Variants in CCDC7 observed in about 807,000 individuals in gnomAD.
CCDC7 encodes the protein coiled-coil domain containing 7.
Under a neutral mutation model 196.9 loss-of-function variants are expected in CCDC7, and 183 were observed. That is an observed-to-expected ratio of 0.93 (90% CI 0.82 to 1.05). The LOEUF is 1.05. Among genes scored for constraint, CCDC7 ranks in the 50% least tolerant of loss-of-function variants. CCDC7 has a pLI of 0.00. For synonymous variants in CCDC7, 525 were observed against 484.6 expected, an observed-to-expected ratio of 1.08 and a Z score of -1.10; for missense variants, 1,540 against 1,482.2, an observed-to-expected ratio of 1.04 and a Z score of -0.64.
chr10:32,476,940 A>G (rs1362712572), intron 8 of CCDC7, among the ~76,000 whole-genome samples: 1 of 152,102 alleles, frequency 6.6e-6, no homozygotes, highest in South Asian at 2.1e-4. Context: ...AGTTCTTTTT[A>G]TATTTTGGAT....
chr10:32,772,010 T>C (rs1008930657), intron 28 of CCDC7, among the ~76,000 whole-genome samples: 1 of 152,316 alleles, frequency 6.6e-6, no homozygotes, highest in African/African-American at 2.4e-5. Context: ...TCTGATTTCA[T>C]AGGCAATGGG....
At chr10:32,552,916 G>A (rs1257392540) in intron 13 of CCDC7, among the ~76,000 whole-genome samples, 1 of 152,072 alleles carries the variant, frequency 6.6e-6, no homozygotes, top group African/African-American at 2.4e-5. Flanking sequence ...ATCTTTTTGT[G>A]ATGAATTTCC....
intron 18 of CCDC7, among the ~76,000 whole-genome samples, chr10:32,600,980 T>G (rs2060935942): frequency 6.6e-6 from 1 of 152,182 alleles, no homozygotes; most frequent in Admixed American, 6.5e-5. Flanking sequence ...CTTTGCCAGG[T>G]ATAGAATTCT....
chr10:32,508,378 G>A (rs1482504189), intron 9 of CCDC7, among the ~76,000 whole-genome samples: 1 of 152,124 alleles, frequency 6.6e-6, no homozygotes, highest in Non-Finnish European at 1.5e-5. Flanking sequence ...AAACACATGA[G>A]ATATATTGAA....
At chr10:32,868,939 G>A (rs570826602) in intron 41 of CCDC7, among the ~76,000 whole-genome samples, 11 of 152,174 alleles carry the variant, frequency 7.2e-5, no homozygotes, top group Admixed American at 6.5e-4. Context: ...TGGTGTATAT[G>A]TGCCACATTT....
chr10:32,876,405 A>T (rs748762468), downstream of CCDC7: 11 of 1,606,530 alleles, frequency 6.8e-6, no homozygotes, highest in Non-Finnish European at 9.4e-6. Context: ...AATGAAGGAA[A>T]TTCTGAGCAA....
At chr10:32,719,825 T>G (rs1206810206) in intron 25 of CCDC7, among the ~76,000 whole-genome samples, 1 of 152,126 alleles carries the variant, frequency 6.6e-6, no homozygotes, top group Admixed American at 6.5e-5. Flanking sequence ...TGAGATACCA[T>G]CTCACATCAA....
exon 22 of CCDC7, chr10:32,686,013 A>G (rs144991128): frequency 1.9e-6 from 3 of 1,590,590 alleles, no homozygotes; most frequent in African/African-American, 1.4e-5. Context: ...TTGAGCATCA[A>G]GAATCATTGT....
rs2083161098 is a variant in CCDC7 at position 32,726,595 on chromosome 10, G to A, written c.2570-139G>A. The A allele has an allele frequency of 1.0e-5, 5 of 479,256 alleles. No individual in the cohort carries two copies. In the South Asian group the frequency reaches 1.7e-4, roughly 16 times the overall value. 29.7% of individuals were successfully genotyped at this position (479,256 alleles called of 1,614,324 possible). On this transcript the variant is annotated intron_variant, in intron 25 of 41. Coordinates refer to ENST00000639629, the Ensembl canonical transcript of CCDC7. Reference sequence around the variant, plus strand: ...TTTCATGTCAGATTTAAATTATGGTGATTTACTTATAATTTTATAAAAATG... The same window carrying A: ...TTTCATGTCAGATTTAAATTATGGTAATTTACTTATAATTTTATAAAAATG...
chr10:32,552,173 C>A (rs990664980), intron 13 of CCDC7, among the ~76,000 whole-genome samples: 1 of 152,196 alleles, frequency 6.6e-6, no homozygotes. Context: ...TCTCCTTTGG[C>A]TGCTGTTGCT....
intron 22 of CCDC7, among the ~76,000 whole-genome samples, chr10:32,687,010 G>T (rs2141164044): frequency 6.6e-6 from 1 of 152,330 alleles, no homozygotes. Flanking sequence ...TGTGTGGACA[G>T]GAATGCTGAA....
chr10:32,688,777 A>G (rs2141201732), intron 22 of CCDC7, among the ~76,000 whole-genome samples: 1 of 152,328 alleles, frequency 6.6e-6, no homozygotes, highest in South Asian at 2.1e-4. Flanking sequence ...TGGTCTATGT[A>G]TACTTATTAA....
chr10:32,616,227 C>T (rs779439351), intron 18 of CCDC7, among the ~76,000 whole-genome samples: 1 of 151,792 alleles, frequency 6.6e-6, no homozygotes, highest in Non-Finnish European at 1.5e-5. Context: ...AGGTTGTGTT[C>T]AATCTGCTGA....
At chr10:32,749,498 G>A (rs1226875944) in intron 28 of CCDC7, among the ~76,000 whole-genome samples, 1 of 152,062 alleles carries the variant, frequency 6.6e-6, no homozygotes. Context: ...CTATGAAATA[G>A]CAGATTTTCA....
At chr10:32,659,838 A>T (rs2070856765) in intron 20 of CCDC7, among the ~76,000 whole-genome samples, 1 of 152,214 alleles carries the variant, frequency 6.6e-6, no homozygotes, top group East Asian at 1.9e-4. Context: ...ATGCTGGCAA[A>T]GTTGCAAAGG....
chr10:32,496,993 A>G (rs1484075333), intron 9 of CCDC7, among the ~76,000 whole-genome samples: 2 of 152,194 alleles, frequency 1.3e-5, no homozygotes, highest in Non-Finnish European at 2.9e-5. Flanking sequence ...TACCTTTGGT[A>G]GAATTTGGCT....
chr10:32,731,684 G>A (rs1053363297), intron 28 of CCDC7, among the ~76,000 whole-genome samples: 1 of 152,152 alleles, frequency 6.6e-6, no homozygotes, highest in Non-Finnish European at 1.5e-5. Flanking sequence ...TTACCTTCAT[G>A]ATTCATTTTG....
intron 41 of CCDC7, among the ~76,000 whole-genome samples, chr10:32,856,568 G>C (rs908536978): frequency 5.9e-5 from 9 of 152,076 alleles, no homozygotes; most frequent in African/African-American, 2.2e-4. Context: ...ACACCCCCCA[G>C]GGCCAAAGCC....
At chr10:32,566,663 C>G (rs2056836418) in intron 14 of CCDC7, among the ~76,000 whole-genome samples, 2 of 151,796 alleles carry the variant, frequency 1.3e-5, no homozygotes, top group South Asian at 4.1e-4. Flanking sequence ...GTAATCCCAG[C>G]ACTTTAGGGG....
Sources: allele counts gnomAD v4.1 joint callset (sites outside exome capture counted in the v4.1 genomes callset), GRCh38; gene constraint gnomAD v4.1.1; transcripts MANE v1.5; gene names NCBI Gene and HGNC (gene_info 2026-07-23, HGNC 2026-07-21).